The following LRP1B variants were observed in gnomAD, a reference collection of about 807,000 sequenced individuals.
LRP1B encodes the protein low-density lipoprotein receptor-related protein 1B.
Under a neutral mutation model 556.6 loss-of-function variants are expected in LRP1B, and 217 were observed. The ratio of observed to expected loss-of-function variants is 0.39; its 90% CI spans 0.35 to 0.44. The LOEUF (loss-of-function observed/expected upper bound fraction) is 0.44. Among genes scored for constraint, LRP1B ranks in the 20% least tolerant of loss-of-function variants. The pLI is 1.00. For synonymous variants in LRP1B, 2,047 were observed against 1,865.8 expected, an observed-to-expected ratio of 1.10 and a Z score of -2.50; for missense variants, 5,053 against 5,620.8, an observed-to-expected ratio of 0.90 and a Z score of 3.23.
rs553424742 is a variant in LRP1B, at chr2:142,103,824, A to C, written c.82+26824T>G. Among the ~76,000 whole-genome samples the C allele has an allele frequency of 4.0e-5, 6 of 151,782 alleles. 1 individual carries two copies. Among genetic ancestry groups the C allele is most frequent in the African/African-American group, 1.4e-4 (6 of 41,514 alleles). The stretch of plus-strand genomic sequence containing the variant: ...TAAATGGCATTTCTGACCTCATACT[A>C]TTGGCTGATTCTTACCTACCGTGTA... On this transcript the variant is annotated intron_variant, in intron 1 of 90. Transcript: ENST00000389484.
chr2:140,353,036 T>C lies in LRP1B; in HGVS notation c.11567A>G (p.His3856Arg). ...TGATCCTTCCACATTTATACATTGA[T>C]GGGAACATGTGCCAAACACCAAACA... The part of the protein sequence containing the change: ...NECLVFGTCS[H>R]QCINVEGSYK... The change falls in exon 76 of 91, where the codon CAT (histidine) becomes CGT (arginine). Residue 3856 changes from histidine to arginine, a missense_variant. This residue lies in a region of LRP1B where 599 missense variants were observed against 648.4 expected (regional missense o/e 0.92). Coordinates refer to ENST00000389484, the MANE Select transcript of LRP1B (RefSeq NM_018557.3). 1.2e-6 allele frequency: 2 copies of C among 1,612,982 alleles called. No individual in the cohort carries two copies. Among genetic ancestry groups the C allele is most frequent in the Non-Finnish European group, 8.5e-7 (1 of 1,179,402 alleles).
At chr2:141,206,587 A>C (rs1682293915) in intron 6 of LRP1B, among the ~76,000 whole-genome samples, 1 of 85,386 alleles carries the variant, frequency 1.2e-5, no homozygotes. Context: ...ACTCCGTCTC[A>C]AAAAAAAAAT....
At chr2:142,055,680 A>G (rs1329958019) in intron 1 of LRP1B, among the ~76,000 whole-genome samples, 1 of 152,166 alleles carries the variant, frequency 6.6e-6, no homozygotes, top group Admixed American at 6.6e-5. Context: ...TGTTGACCTT[A>G]GTGATATATT....
chr2:140,389,955 C>A (rs1379393823), intron 66 of LRP1B, among the ~76,000 whole-genome samples: 1 of 151,624 alleles, frequency 6.6e-6, no homozygotes, highest in Non-Finnish European at 1.5e-5. Flanking sequence ...TGATTGAAAC[C>A]CCATCTCTAC....
chr2:141,750,466 A>T (rs1358514211), intron 2 of LRP1B, among the ~76,000 whole-genome samples: 1 of 152,194 alleles, frequency 6.6e-6, no homozygotes, highest in African/African-American at 2.4e-5. Flanking sequence ...AAGAAAAGAA[A>T]AAAAAGCTTC....
chr2:141,261,933 T>G (rs1684705656), intron 3 of LRP1B, among the ~76,000 whole-genome samples: 1 of 152,180 alleles, frequency 6.6e-6, no homozygotes, highest in Non-Finnish European at 1.5e-5. Flanking sequence ...GGTAAGTGGA[T>G]GTTTTACTTT....
In LRP1B at chr2:141,795,871, TATATATATATATATATATATATATATATA is replaced by T. The variant is rs1350701771; in HGVS notation, c.205+14379_205+14407del. Among the ~76,000 whole-genome samples, 45 of 75,544 alleles carry T rather than the reference TATATATATATATATATATATATATATATA, an allele frequency of 6.0e-4. 1 individual carries two copies. Among genetic ancestry groups the T allele is most frequent in the African/African-American group, 2.0e-3 (39 of 19,884 alleles). The allele number at this position is 75,544 out of a possible 152,430, so 49.6% of individuals were successfully genotyped here. A position where few individuals can be genotyped will look rare whatever the true frequency, so the allele number is the denominator to read the frequency against. On this transcript the variant is annotated intron_variant, in intron 2 of 90. Transcript: ENST00000389484. ...AAACCAGGAGCAATATATATATATATATATATATATATATATATATATATATATAATCTTTAAGCAAAATTTAACATGAA... is the reference window on the plus strand; with the variant it reads ...AAACCAGGAGCAATATATATATATATATCTTTAAGCAAAATTTAACATGAA...
intron 2 of LRP1B, among the ~76,000 whole-genome samples, chr2:141,661,173 G>A (rs1690209288): frequency 6.6e-6 from 1 of 152,196 alleles, no homozygotes; most frequent in East Asian, 1.9e-4. Flanking sequence ...CCATCCAAAG[G>A]TCAGCAGCCT....
intron 43 of LRP1B, among the ~76,000 whole-genome samples, chr2:140,553,955 GGAAA>G (rs1680638664): frequency 6.6e-6 from 1 of 152,040 alleles, no homozygotes; most frequent in Non-Finnish European, 1.5e-5. Flanking sequence ...GAAGCCGACG[GGAAA>G]GAGAGCCAGT....
At chr2:140,601,916 G>A (rs772192707) in intron 41 of LRP1B, among the ~76,000 whole-genome samples, 16 of 151,976 alleles carry the variant, frequency 1.1e-4, no homozygotes, top group Non-Finnish European at 1.9e-4. Context: ...TTGGAAAATG[G>A]TGGCTCTCTT....
At chr2:140,666,021 T>G (rs1685256162) in intron 41 of LRP1B, among the ~76,000 whole-genome samples, 1 of 147,676 alleles carries the variant, frequency 6.8e-6, no homozygotes, top group Non-Finnish European at 1.5e-5. Context: ...TGAGACGGAG[T>G]CTCACTCTGT....
intron 35 of LRP1B, among the ~76,000 whole-genome samples, chr2:140,734,087 G>A (rs1687867709): frequency 6.6e-6 from 1 of 152,102 alleles, no homozygotes; most frequent in African/African-American, 2.4e-5. Context: ...AATCCAATGG[G>A]GCAGATAAAT....
At chr2:141,224,825 G>A (rs1558944605) in intron 6 of LRP1B, among the ~76,000 whole-genome samples, 1 of 151,896 alleles carries the variant, frequency 6.6e-6, no homozygotes, top group Admixed American at 6.6e-5. Flanking sequence ...ATGGGGGTGG[G>A]GTGGGGAAGG....
chr2:141,116,622 T>TA (rs1700906058), intron 7 of LRP1B, among the ~76,000 whole-genome samples: 3 of 152,068 alleles, frequency 2.0e-5, no homozygotes, highest in African/African-American at 7.2e-5. Context: ...CCTTAGAAGG[T>TA]AGTATGGAAA....
intron 2 of LRP1B, among the ~76,000 whole-genome samples, chr2:141,617,474 G>A (rs926820984): frequency 1.3e-5 from 2 of 152,134 alleles, no homozygotes; most frequent in East Asian, 1.9e-4. Context: ...AGCCTTTAAA[G>A]TAATTTTCAG....
intron 41 of LRP1B, among the ~76,000 whole-genome samples, chr2:140,659,251 G>C (rs1092431): frequency 6.6e-6 from 1 of 151,616 alleles, no homozygotes; most frequent in Non-Finnish European, 1.5e-5. Flanking sequence ...TACTGAACTA[G>C]AAACATGTCA....
intron 1 of LRP1B, among the ~76,000 whole-genome samples, chr2:141,932,862 ATGATAG>A (rs1700542779): frequency 6.6e-6 from 1 of 152,042 alleles, no homozygotes; most frequent in African/African-American, 2.4e-5. Flanking sequence ...TATCATAAAA[ATGATAG>A]TGTTTTTACA....
intron 43 of LRP1B, among the ~76,000 whole-genome samples, chr2:140,544,538 C>A (rs926535455): frequency 9.9e-5 from 15 of 152,148 alleles, no homozygotes; most frequent in African/African-American, 3.1e-4. Flanking sequence ...GTGTTCTCAT[C>A]ATTTAGCTTC....
At chr2:141,187,122 A>G (rs1290739863) in intron 7 of LRP1B, among the ~76,000 whole-genome samples, 2 of 152,092 alleles carry the variant, frequency 1.3e-5, no homozygotes, top group Non-Finnish European at 2.9e-5. Context: ...CAACAACCCA[A>G]ACAAATCAGT....
Sources: gnomAD v4.1 joint callset for allele counts (sites outside exome capture counted in the v4.1 genomes callset) on GRCh38, gnomAD v4.1.1 for gene constraint, gnomAD v4.1.1 regional missense constraint, MANE v1.5 for transcripts, NCBI Gene and HGNC (gene_info 2026-07-23, HGNC 2026-07-21) for gene names.